Variants in PCDHGB2 observed in about 807,000 individuals in gnomAD.
The protein encoded by PCDHGB2 is protocadherin gamma-B2.
Under a neutral mutation model 59.3 loss-of-function variants are expected in PCDHGB2, and 55 were observed. The ratio of observed to expected loss-of-function variants is 0.93; its 90% CI spans 0.75 to 1.16. The LOEUF (loss-of-function observed/expected upper bound fraction) is 1.16, where lower values mean the gene tolerates loss of function less well. PCDHGB2 is among the 50% of genes most tolerant of loss of function. PCDHGB2 has a pLI of 0.00. For missense variants in PCDHGB2, 1,228 were observed against 1,198.5 expected, an observed-to-expected ratio of 1.02 and a Z score of -0.36; for synonymous variants, 516 against 512.0, an observed-to-expected ratio of 1.01 and a Z score of -0.11.
At position 141,419,527 on chromosome 5, in the gene PCDHGB2, C is replaced by G. The variant is rs755936657; in HGVS notation, c.2421+56971C>G. ...TGCGCGTGTTGGTGGGCGACCGTAA[C>G]GACAACGCACCGCGGGTGCTGTACC... is the stretch of plus-strand genomic sequence containing the variant. On this transcript the variant is annotated intron_variant, in intron 1 of 3. Transcript: ENST00000522605. The G allele has an allele frequency of 6.8e-5, 110 of 1,612,064 alleles. 2 individuals carry two copies. In the South Asian group the frequency reaches 9.6e-4, roughly 14 times the overall value.
At chr5:141,403,895 T>G in intron 1 of PCDHGB2, 1 of 1,613,884 alleles carries the variant, frequency 6.2e-7, no homozygotes, top group Non-Finnish European at 8.5e-7. Context: ...ATGTTCATTT[T>G]ATGAAATGGA....
At chr5:141,388,625 C>T (rs1417837696) in intron 1 of PCDHGB2, 2 of 1,613,794 alleles carry the variant, frequency 1.2e-6, no homozygotes, top group Non-Finnish European at 1.7e-6. Context: ...AAGACGTATA[C>T]AGGGTGAGCC....
chr5:141,409,443 A>C (rs1276603306), intron 1 of PCDHGB2: 1 of 1,614,014 alleles, frequency 6.2e-7, no homozygotes, highest in East Asian at 2.2e-5. Context: ...GACCGAGAGC[A>C]GACACCAGAA....
At position 141,477,505 on chromosome 5, in the gene PCDHGB2, C is replaced by T. The variant is rs2099412175; in HGVS notation, c.2422-17302C>T. The T allele has an allele frequency of 5.0e-6, 8 of 1,614,126 alleles. No individual in the cohort carries two copies. Among genetic ancestry groups the T allele is most frequent in the Admixed American group, 1.7e-5 (1 of 60,024 alleles). On this transcript the variant is annotated intron_variant, in intron 1 of 3. Transcript: ENST00000522605. This position sits in a 1 kb window ranked among gnomAD's most constrained non-coding sequence, Gnocchi z 4.9. ...CACAATCTTCTCAATCTTCCTACGACGTTTACATTGAAGAAAACAACCTCC... is the reference window on the plus strand; with the variant it reads ...CACAATCTTCTCAATCTTCCTACGATGTTTACATTGAAGAAAACAACCTCC...
chr5:141,405,815 T>C (rs755764286), intron 1 of PCDHGB2, among the ~76,000 whole-genome samples: 14 of 103,812 alleles, frequency 1.3e-4, no homozygotes, highest in Non-Finnish European at 2.3e-4. Flanking sequence ...TCTTTAACTG[T>C]CTGTACTTAA....
At chr5:141,375,495 T>C (rs1771526173) in intron 1 of PCDHGB2, 13 of 1,613,800 alleles carry the variant, frequency 8.1e-6, no homozygotes, top group Non-Finnish European at 1.1e-5. Flanking sequence ...GGTGCCTCCA[T>C]CTTCTCTGTG....
chr5:141,430,369 A>G (rs564811230), intron 1 of PCDHGB2, among the ~76,000 whole-genome samples: 1 of 151,582 alleles, frequency 6.6e-6, no homozygotes, highest in East Asian at 1.9e-4. Flanking sequence ...ATTGGGGAAA[A>G]AAAAGCTCAT....
intron 1 of PCDHGB2, among the ~76,000 whole-genome samples, chr5:141,481,695 T>A (rs2099542216): frequency 1.3e-5 from 2 of 152,122 alleles, no homozygotes; most frequent in Non-Finnish European, 2.9e-5. Context: ...GGCTCACGCC[T>A]GTAATCCCAG....
rs559975786 is a variant in PCDHGB2, at chr5:141,406,591, A to G, written c.2421+44035A>G. Among the ~76,000 whole-genome samples, 5 of 152,282 alleles carry G rather than the reference A, an allele frequency of 3.3e-5. No homozygotes were observed. The East Asian group carries it at 9.6e-4, about 29-fold the overall frequency. On this transcript the variant is annotated intron_variant, in intron 1 of 3. Transcript: ENST00000522605. ...CTAGTAAACCAATTTTTTCCCTTTAATGGTGAAAGTTGTCACATCTTTTAT... is the reference window on the plus strand; with the variant it reads ...CTAGTAAACCAATTTTTTCCCTTTAGTGGTGAAAGTTGTCACATCTTTTAT...
chr5:141,420,111 C>T (rs747723647), intron 1 of PCDHGB2: 1 of 1,613,966 alleles, frequency 6.2e-7, no homozygotes, highest in African/African-American at 1.3e-5. Flanking sequence ...TTGCCCTATG[C>T]CTATAATTTT....
chr5:141,414,253 G>A (rs768166537), intron 1 of PCDHGB2: 1 of 1,613,492 alleles, frequency 6.2e-7, no homozygotes, highest in Non-Finnish European at 8.5e-7. Flanking sequence ...ATTTAGTCCA[G>A]TGACTGAAGA....
chr5:141,446,087 A>G (rs2154561251), intron 1 of PCDHGB2, among the ~76,000 whole-genome samples: 1 of 152,370 alleles, frequency 6.6e-6, no homozygotes, highest in Non-Finnish European at 1.5e-5. Flanking sequence ...GTAGAAATAA[A>G]TGGATGAATT....
chr5:141,369,396 G>A (rs1561544018), intron 1 of PCDHGB2, among the ~76,000 whole-genome samples: 1 of 152,160 alleles, frequency 6.6e-6, no homozygotes, highest in East Asian at 1.9e-4. Context: ...TTGGGCCAGG[G>A]TGGTTCATGA....
chr5:141,401,096 C>A (rs1193628525), intron 1 of PCDHGB2, among the ~76,000 whole-genome samples: 1 of 152,160 alleles, frequency 6.6e-6, no homozygotes, highest in Non-Finnish European at 1.5e-5. Context: ...GTAATCCCAG[C>A]ACTTTGGGAG....
intron 2 of PCDHGB2, among the ~76,000 whole-genome samples, chr5:141,499,884 C>T (rs917762715): frequency 2.0e-5 from 3 of 152,014 alleles, no homozygotes; most frequent in Admixed American, 6.5e-5. Flanking sequence ...AACAGGGTTT[C>T]GCCATGTTGG....
At chr5:141,418,031 G>A (rs760396058) in intron 1 of PCDHGB2, 1 of 1,614,022 alleles carries the variant, frequency 6.2e-7, no homozygotes, top group Non-Finnish European at 8.5e-7. Context: ...AGGGCTTAGT[G>A]TCCTGGATGT....
intron 1 of PCDHGB2, chr5:141,402,978 T>C (rs746626227): frequency 2.5e-6 from 4 of 1,608,452 alleles, no homozygotes; most frequent in Non-Finnish European, 3.4e-6. Context: ...AAATGCCAGC[T>C]CCGCGGAAGA....
chr5:141,506,262 A>G (rs1395369571), intron 3 of PCDHGB2, among the ~76,000 whole-genome samples: 1 of 152,046 alleles, frequency 6.6e-6, no homozygotes, highest in Admixed American at 6.6e-5. Context: ...CGGCCTGGCC[A>G]ACATAGTGAA....
rs775122106 is a variant in PCDHGB2 at position 141,410,519 on chromosome 5, C to CT, written c.2421+47964dup. On this transcript the variant is annotated intron_variant, in intron 1 of 3. Coordinates refer to ENST00000522605, the MANE Select transcript of PCDHGB2 (RefSeq NM_018923.3). ...TAATTTCCTAAAATGCAGTGTGCCCCTACATTCCAATGAAGACATGGTTTG... is the reference window on the plus strand; with the variant it reads ...TAATTTCCTAAAATGCAGTGTGCCCCTTACATTCCAATGAAGACATGGTTTG... 5.9e-5 allele frequency: 95 copies of CT among 1,613,978 alleles called. 1 individual carries two copies. In the South Asian group the frequency reaches 1.0e-3, roughly 17 times the overall value.
Sources: allele counts gnomAD v4.1 joint callset (sites outside exome capture counted in the v4.1 genomes callset), GRCh38; gene constraint gnomAD v4.1.1; non-coding constraint Gnocchi (gnomAD v3.1); transcripts MANE v1.5; gene names NCBI Gene and HGNC (gene_info 2026-07-23, HGNC 2026-07-21).